Variants in KIAA1671 observed in about 807,000 individuals in gnomAD.
KIAA1671 encodes the protein uncharacterized protein KIAA1671.
Under a neutral mutation model 131.2 loss-of-function variants are expected in KIAA1671, and 52 were observed. That is an observed-to-expected ratio of 0.40 (90% CI 0.32 to 0.50). The LOEUF (loss-of-function observed/expected upper bound fraction) is 0.50, where lower values mean the gene tolerates loss of function less well. KIAA1671 is among the 20% of genes least tolerant of loss of function. KIAA1671 has a pLI of 0.73. For synonymous variants in KIAA1671, 1,003 were observed against 961.6 expected, an observed-to-expected ratio of 1.04 and a Z score of -0.80; for missense variants, 2,360 against 2,364.2, an observed-to-expected ratio of 1.00 and a Z score of 0.04.
chr22:24,981,574 G>T (rs1923236786), intron 1 of KIAA1671, among the ~76,000 whole-genome samples: 1 of 152,164 alleles, frequency 6.6e-6, no homozygotes, highest in South Asian at 2.1e-4. Context: ...AGAGACTCAG[G>T]CTCAGCTGGT....
At chr22:25,186,924 C>T (rs1934494142) in intron 11 of KIAA1671, among the ~76,000 whole-genome samples, 1 of 152,216 alleles carries the variant, frequency 6.6e-6, no homozygotes, top group South Asian at 2.1e-4. Context: ...GAGAAACCCC[C>T]AGACTAGGGC....
intron 6 of KIAA1671, among the ~76,000 whole-genome samples, chr22:25,145,618 T>C (rs1932865004): frequency 6.6e-6 from 1 of 152,138 alleles, no homozygotes; most frequent in Admixed American, 6.5e-5. Flanking sequence ...ACAAGGTCCT[T>C]GCCAGCTCCA....
chr22:25,001,088 G>A (rs1195268120), intron 1 of KIAA1671, among the ~76,000 whole-genome samples: 1 of 151,756 alleles, frequency 6.6e-6, no homozygotes, highest in Non-Finnish European at 1.5e-5. Flanking sequence ...ATACAAAACT[G>A]AGTTGTCTTT....
At chr22:25,189,126 CT>C (rs200226589) in intron 11 of KIAA1671, among the ~76,000 whole-genome samples, 2,906 of 114,884 alleles carry the variant, frequency 0.025, 59 homozygotes, top group African/African-American at 0.072. Context: ...CAGTCTTTTT[CT>C]TTTTTTTTTT....
At position 25,029,445 on chromosome 22, in the gene KIAA1671, G is replaced by C; in HGVS notation, c.1446G>C (p.Arg482=). 1 of 1,551,364 alleles carries C rather than the reference G, an allele frequency of 6.4e-7. No homozygotes were observed. Among genetic ancestry groups the C allele is most frequent in the Non-Finnish European group, 8.7e-7 (1 of 1,146,836 alleles). ...PEKGVVSVQE[R]IRGWTAESSE... is the part of the protein sequence containing the mutation. ...AAGGGGTTGTGAGCGTTCAGGAACG[G>C]ATCAGAGGCTGGACTGCCGAGAGCT... is the stretch of plus-strand genomic sequence containing the variant. Residue 482 remains arginine, a synonymous_variant, in exon 3 of 13, where the codon CGG becomes CGC. Coordinates refer to ENST00000358431, the MANE Select transcript of KIAA1671 (RefSeq NM_001145206.2).
chr22:25,180,159 A>AT (rs1934216543), intron 9 of KIAA1671, among the ~76,000 whole-genome samples: 1 of 152,240 alleles, frequency 6.6e-6, no homozygotes, highest in Non-Finnish European at 1.5e-5. Flanking sequence ...TATGCTGGAA[A>AT]GGTAGGCAGG....
At chr22:25,118,573 G>C (rs928885790) in intron 6 of KIAA1671, among the ~76,000 whole-genome samples, 5 of 152,094 alleles carry the variant, frequency 3.3e-5, no homozygotes, top group Admixed American at 2.6e-4. Flanking sequence ...TTACAGACGT[G>C]AGACACTGCA....
At chr22:24,979,354 A>ATTTTTT (rs577953925) in intron 1 of KIAA1671, among the ~76,000 whole-genome samples, 2 of 117,854 alleles carry the variant, frequency 1.7e-5, no homozygotes, top group African/African-American at 7.0e-5. Context: ...TTATTTATTT[A>ATTTTTT]TTTATTTTTT....
intron 5 of KIAA1671, among the ~76,000 whole-genome samples, chr22:25,047,081 C>T (rs999705455): frequency 1.3e-5 from 2 of 151,876 alleles, no homozygotes; most frequent in Admixed American, 6.5e-5. Flanking sequence ...AGCAGTCCTC[C>T]CACCTCAGCC....
chr22:25,074,243 G>A (rs1928979426), intron 6 of KIAA1671, among the ~76,000 whole-genome samples: 1 of 151,130 alleles, frequency 6.6e-6, no homozygotes, highest in East Asian at 1.9e-4. Flanking sequence ...GGTGGCTCAT[G>A]CCTGTAATAC....
intron 10 of KIAA1671, among the ~76,000 whole-genome samples, chr22:25,183,798 A>C (rs1275542272): frequency 6.6e-6 from 1 of 150,584 alleles, no homozygotes; most frequent in African/African-American, 2.4e-5. Flanking sequence ...CTGGGATTAC[A>C]GGCGTGAGCC....
intron 1 of KIAA1671, among the ~76,000 whole-genome samples, chr22:25,019,147 C>T (rs1313248667): frequency 6.6e-6 from 1 of 151,352 alleles, no homozygotes; most frequent in African/African-American, 2.4e-5. Flanking sequence ...TACATTTGAA[C>T]ACTGTAACAA....
intron 6 of KIAA1671, among the ~76,000 whole-genome samples, chr22:25,092,011 C>T (rs1930049367): frequency 6.6e-6 from 1 of 152,094 alleles, no homozygotes; most frequent in African/African-American, 2.4e-5. Context: ...TTTGTTTATC[C>T]ACTCAACAAA....
chr22:24,997,558 C>G (rs1280538040), intron 1 of KIAA1671, among the ~76,000 whole-genome samples: 1 of 151,988 alleles, frequency 6.6e-6, no homozygotes, highest in Non-Finnish European at 1.5e-5. Context: ...GTGTTGAGAA[C>G]GCATGGCTTG....
intron 6 of KIAA1671, among the ~76,000 whole-genome samples, chr22:25,074,333 C>T (rs1928983250): frequency 6.6e-6 from 1 of 150,536 alleles, no homozygotes; most frequent in African/African-American, 2.4e-5. Context: ...GGTGAAACCA[C>T]ATCTACACTA....
At chr22:24,956,294 G>A (rs1043152892) in intron 1 of KIAA1671, among the ~76,000 whole-genome samples, 2 of 152,214 alleles carry the variant, frequency 1.3e-5, no homozygotes, top group Non-Finnish European at 2.9e-5. Flanking sequence ...CCCTGTGCCT[G>A]TTCAGGGGTA....
At chr22:25,152,760 G>A (rs539952643) in intron 6 of KIAA1671, among the ~76,000 whole-genome samples, 1 of 152,138 alleles carries the variant, frequency 6.6e-6, no homozygotes, top group South Asian at 2.1e-4. Flanking sequence ...ATGCCACCAC[G>A]CCCAGCCAAT....
chr22:25,137,760 G>T (rs1157188999), intron 6 of KIAA1671, among the ~76,000 whole-genome samples: 1 of 152,188 alleles, frequency 6.6e-6, no homozygotes, highest in African/African-American at 2.4e-5. Flanking sequence ...AATAAAAGTT[G>T]CCCAACCCTT....
chr22:25,116,430 T>C (rs12167551), intron 6 of KIAA1671, among the ~76,000 whole-genome samples: 1,421 of 140,242 alleles, frequency 0.01, 16 homozygotes, highest in African/African-American at 0.023. Flanking sequence ...TATGTATGTA[T>C]GTACGTATTG....
Sources: allele counts gnomAD v4.1 joint callset (sites outside exome capture counted in the v4.1 genomes callset), GRCh38; gene constraint gnomAD v4.1.1; transcripts MANE v1.5; gene names NCBI Gene and HGNC (gene_info 2026-07-23, HGNC 2026-07-21).